Variants in PEX1 observed in about 807,000 individuals in gnomAD.
The protein encoded by PEX1 is peroxisomal biogenesis factor 1, also known as peroxisomal ATPase PEX1.
A neutral mutation model predicts 152.5 loss-of-function variants in PEX1; 97 were observed. That is an observed-to-expected ratio of 0.64 (90% CI 0.54 to 0.75). The LOEUF is 0.75. Ranked by LOEUF, PEX1 falls within the 30% of genes least tolerant of loss-of-function variation. PEX1 has a pLI of 0.00. For synonymous variants in PEX1, 485 were observed against 531.6 expected (o/e 0.91, Z 1.21); for missense variants, 1,357 against 1,516.3 (o/e 0.89, Z 1.74).
chr7:92,524,199 C>T (rs1488654591), intron 1 of PEX1, among the ~76,000 whole-genome samples: 2 of 151,862 alleles, frequency 1.3e-5, no homozygotes, highest in African/African-American at 4.8e-5. Flanking sequence ...GTGATCTTCC[C>T]ACCTCAGTCT....
At chr7:92,511,512 T>G in intron 7 of PEX1, 68 bp downstream of exon 7, 1 of 1,221,722 alleles carries the variant, frequency 8.2e-7, no homozygotes, top group Non-Finnish European at 1.2e-6. Context: ...TATGACAGGT[T>G]GCAAGAACAA....
intron 9 of PEX1, among the ~76,000 whole-genome samples, chr7:92,508,242 A>G (rs768363244): frequency 1.3e-5 from 2 of 152,168 alleles, no homozygotes; most frequent in Admixed American, 1.3e-4. Context: ...ACATGATCAC[A>G]TGAGAGTCTG....
rs1407741269 is a variant in PEX1, at chr7:92,507,088, A to C, written c.1709T>G (p.Ile570Ser). The C allele has an allele frequency of 6.2e-7, 1 of 1,613,834 alleles. No homozygotes were observed. Residue 570 changes from isoleucine (I) to serine (S), a missense_variant, in exon 10 of 24, where the codon ATC becomes AGC. By Grantham distance (142) the Ile-to-Ser change is moderately radical. Coordinates refer to ENST00000248633, the MANE Select transcript of PEX1 (RefSeq NM_000466.3). ...AGGGCGTCCCAGGAGGCTGTGAGTG[A>C]TGTGCTCCAAGGAGGATACGCCTAA... ...NSLGVSSLEHITHSLLGRPLS... is the reference protein window; with the variant it reads ...NSLGVSSLEHSTHSLLGRPLS...
Position 92,528,426 on chromosome 7 carries a change from T to C in PEX1, c.10A>G (p.Ser4Gly), listed in dbSNP as rs772984577. The C allele has an allele frequency of 2.5e-6, 4 of 1,593,876 alleles. No homozygotes were observed. Among genetic ancestry groups the C allele is most frequent in the East Asian group, 2.3e-5 (1 of 44,020 alleles). MWG[S>G]DRLAGAGGGG... Reference sequence around the variant, plus strand: ...CCCCCAGCACCCGCCAGGCGATCGCTGCCCCACATCGTCCCGGAGCGTCGC... The same window carrying C: ...CCCCCAGCACCCGCCAGGCGATCGCCGCCCCACATCGTCCCGGAGCGTCGC... Residue 4 changes from serine to glycine, a missense_variant, in exon 1 of 24, where the codon AGC becomes GGC. Coordinates refer to ENST00000248633, the MANE Select transcript of PEX1 (RefSeq NM_000466.3).
At chr7:92,511,108 G>A in intron 7 of PEX1, 61 bp from the exon 8 acceptor site, 2 of 820,106 alleles carry the variant, frequency 2.4e-6, no homozygotes, top group Non-Finnish European at 4.1e-6. Flanking sequence ...AATAATTTAA[G>A]ATTTTAAATG....
At position 92,492,993 on chromosome 7, in the gene PEX1, A is replaced by C; in HGVS notation, c.3167T>G (p.Leu1056Trp). ...GAGCAGCATTCCATGTAAGGCCTCCAATTGGGCATTGTAAAGTAAAGCTTT... is the reference window on the plus strand; with the variant it reads ...GAGCAGCATTCCATGTAAGGCCTCCCATTGGGCATTGTAAAGTAAAGCTTT... ...DLKALLYNAQLEALHGMLLSS... is the reference protein window; with the variant it reads ...DLKALLYNAQWEALHGMLLSS... The change falls in exon 20 of 24, where the codon TTG (leucine) becomes TGG (tryptophan). Residue 1056 changes from leucine to tryptophan, a missense_variant. Physicochemically the swap from Leu to Trp is moderately conservative, Grantham distance 61 (BLOSUM62 -2). Transcript: ENST00000248633. The C allele has an allele frequency of 6.2e-7, 1 of 1,613,984 alleles. No individual in the cohort carries two copies. Among genetic ancestry groups the C allele is most frequent in the East Asian group, 2.2e-5 (1 of 44,862 alleles).
At chr7:92,488,093 T>C (rs573446345) in intron 23 of PEX1, among the ~76,000 whole-genome samples, 2 of 152,330 alleles carry the variant, frequency 1.3e-5, no homozygotes, top group Non-Finnish European at 2.9e-5. Flanking sequence ...TATTGTGGCA[T>C]AGCTACACTA....
rs537242377 is a variant in PEX1 at position 92,528,413 on chromosome 7, G to T, written c.23C>A (p.Ala8Glu). MWGSDRL[A>E]GAGGGGAAVT... ...TGCCGCCCCGCCTCCCCCAGCACCC[G>T]CCAGGCGATCGCTGCCCCACATCGT... is the stretch of plus-strand genomic sequence containing the variant. Residue 8 changes from alanine (A) to glutamate (E), a missense_variant, in exon 1 of 24, where the codon GCG becomes GAG. Ala to Glu is a moderately radical substitution (Grantham distance 107). Coordinates refer to ENST00000248633, the MANE Select transcript of PEX1 (RefSeq NM_000466.3). 1.3e-5 allele frequency: 20 copies of T among 1,595,626 alleles called. No individual in the cohort carries two copies. The African/African-American group carries it at 1.6e-4, about 13-fold the overall frequency.
At chr7:92,506,449 C>A in intron 10 of PEX1, 105 bp from the exon 11 acceptor site, 1 of 771,666 alleles carries the variant, frequency 1.3e-6, no homozygotes, top group South Asian at 1.4e-5. Context: ...TATACAACCT[C>A]TTCCAAAAAA....
intron 2 of PEX1, among the ~76,000 whole-genome samples, chr7:92,519,712 T>C (rs1324368872): frequency 6.6e-6 from 1 of 152,154 alleles, no homozygotes; most frequent in Non-Finnish European, 1.5e-5. Flanking sequence ...GAGACAAATA[T>C]TGAGAAGTAT....
chr7:92,517,235 G>T, intron 5 of PEX1, 41 bp downstream of exon 5: 2 of 1,413,348 alleles, frequency 1.4e-6, no homozygotes, highest in Non-Finnish European at 2.0e-6. Context: ...GGATGTTTAA[G>T]CCACATAAAA....
Position 92,517,942 on chromosome 7 carries a change from T to C in PEX1, c.573A>G (p.Lys191=). 1.3e-6 allele frequency: 2 copies of C among 1,597,496 alleles called. No homozygotes were observed. The highest frequency in any genetic ancestry group is 1.7e-6 in the Non-Finnish European group (2 of 1,173,790). The change falls in exon 5 of 24, where the codon AAA becomes AAG. Residue 191 remains lysine (K), a synonymous_variant. Transcript: ENST00000248633. ...TRRAKENTFS[K]ADAEYKKLHS... is the part of the protein sequence containing the mutation. ...GAAGTTTTTTATATTCAGCATCAGC[T>C]TTTGAAAATGTATTCTCTTTGGCTC... is the stretch of plus-strand genomic sequence containing the variant.
intron 21 of PEX1, chr7:92,490,262 A>G (rs2116048496): frequency 7.5e-6 from 2 of 265,724 alleles, no homozygotes; most frequent in South Asian, 8.9e-5. Context: ...AGAATAAATT[A>G]AAAACAGAAT....
intron 21 of PEX1, 22 bp from the exon 22 acceptor site, chr7:92,489,933 T>G: frequency 6.3e-7 from 1 of 1,592,784 alleles, no homozygotes; most frequent in Non-Finnish European, 8.6e-7. Context: ...ATTGTAGTAA[T>G]GAAAGATGGA....
intron 13 of PEX1, among the ~76,000 whole-genome samples, chr7:92,502,808 CA>C (rs1259279756): frequency 6.6e-6 from 1 of 152,096 alleles, no homozygotes; most frequent in Non-Finnish European, 1.5e-5. Flanking sequence ...CTTTCTCATT[CA>C]AAGAAATACC....
At chr7:92,507,327 C>T (rs531527293) in intron 9 of PEX1, 149 of 494,538 alleles carry the variant, frequency 3.0e-4, no homozygotes, top group Non-Finnish European at 4.8e-4. Context: ...CAGCCTCAAA[C>T]GCCCTGGCAA....
chr7:92,518,403 T>C lies in PEX1; in HGVS notation c.358-148A>G, dbSNP rs1585256317. The C allele has an allele frequency of 2.7e-5, 18 of 657,046 alleles. No individual in the cohort carries two copies. The East Asian group carries it at 4.4e-4, about 16-fold the overall frequency. The allele number at this position is 657,046 out of a possible 1,614,324, so 40.7% of individuals were successfully genotyped here. On this transcript the variant is annotated intron_variant, in intron 3 of 23. Coordinates refer to ENST00000248633, the MANE Select transcript of PEX1 (RefSeq NM_000466.3). Reference sequence around the variant, plus strand: ...CATGGTGTTATGAGCTACATATAGATAGTATAATGGTTACTATAGTGAAGT... The same window carrying C: ...CATGGTGTTATGAGCTACATATAGACAGTATAATGGTTACTATAGTGAAGT...
intron 23 of PEX1, among the ~76,000 whole-genome samples, chr7:92,488,365 A>G (rs1214396060): frequency 1.3e-5 from 2 of 152,206 alleles, no homozygotes; most frequent in African/African-American, 4.8e-5. Flanking sequence ...GTACACATAC[A>G]TACATACTTC....
chr7:92,522,012 CCTTT>C, intron 2 of PEX1, 86 bp downstream of exon 2: 1 of 1,344,744 alleles, frequency 7.4e-7, no homozygotes, highest in South Asian at 1.2e-5. Context: ...CATCTCACCT[CCTTT>C]AACAAAAAAT....
Sources: allele counts gnomAD v4.1 joint callset (sites outside exome capture counted in the v4.1 genomes callset), GRCh38; gene constraint gnomAD v4.1.1; transcripts MANE v1.5; gene names NCBI Gene and HGNC (gene_info 2026-07-23, HGNC 2026-07-21).